The following PERP variants were observed in gnomAD, a reference collection of about 807,000 sequenced individuals.
PERP encodes the protein p53 apoptosis effector related to PMP-22.
Under a neutral mutation model 20.3 loss-of-function variants are expected in PERP, and 11 were observed. The ratio of observed to expected loss-of-function variants is 0.54; its 90% confidence interval spans 0.34 to 0.90. The LOEUF (loss-of-function observed/expected upper bound fraction) is 0.90. PERP is among the 40% of genes least tolerant of loss of function. The pLI is 0.02. For synonymous variants in PERP, 101 were observed against 102.0 expected (o/e 0.99, Z 0.06); for missense variants, 224 against 249.4 (o/e 0.90, Z 0.69).
At chr6:138,093,576 C>T (rs1022272799) in intron 2 of PERP, among the ~76,000 whole-genome samples, 36 of 152,196 alleles carry the variant, frequency 2.4e-4, no homozygotes, top group Non-Finnish European at 3.2e-4. Context: ...CATTTGCTAC[C>T]ACATACTGTG....
Position 138,091,386 on chromosome 6 carries a change from A to G in PERP, c.*656T>C, listed in dbSNP as rs1163041146. 6.6e-6 allele frequency: 1 copy of G among 151,700 alleles called. No homozygotes were observed. Among genetic ancestry groups the G allele is most frequent in the African/African-American group, 2.4e-5 (1 of 40,936 alleles). 9.4% of individuals were successfully genotyped at this position (151,700 alleles called of 1,614,324 possible). On this transcript the variant is annotated 3_prime_UTR_variant, in exon 3 of 3. Coordinates refer to ENST00000421351, the MANE Select transcript of PERP (RefSeq NM_022121.5). ...TTTCATCTAAATATTTCACACTTAAAGGAAAGCCTTACCAACTATGGCAAC... is the reference window on the plus strand; with the variant it reads ...TTTCATCTAAATATTTCACACTTAAGGGAAAGCCTTACCAACTATGGCAAC...
intron 1 of PERP, among the ~76,000 whole-genome samples, chr6:138,098,038 G>A (rs538283510): frequency 4.5e-4 from 68 of 152,234 alleles, no homozygotes; most frequent in African/African-American, 1.6e-3. Context: ...CACTGAGTAT[G>A]GTATGATGCG....
intron 1 of PERP, among the ~76,000 whole-genome samples, chr6:138,104,683 G>A (rs1486006661): frequency 1.3e-5 from 2 of 152,172 alleles, no homozygotes; most frequent in African/African-American, 4.8e-5. Context: ...TACATATCAA[G>A]AAGTTTTTCA....
chr6:138,106,856 GTA>G (rs1392859170), intron 1 of PERP, among the ~76,000 whole-genome samples: 1 of 148,324 alleles, frequency 6.7e-6, no homozygotes, highest in African/African-American at 2.5e-5. Context: ...TCTTTCGTAC[GTA>G]ACCGACAAAA....
chr6:138,103,042 T>C (rs1178022317), intron 1 of PERP, among the ~76,000 whole-genome samples: 1 of 149,004 alleles, frequency 6.7e-6, no homozygotes, highest in East Asian at 2.1e-4. Context: ...GAGCTTGCAG[T>C]GAGCAGAGAT....
In PERP at chr6:138,096,364, A is replaced by G. The variant is rs536335322; in HGVS notation, c.345T>C (p.Leu115=). ...LVFLRVIGGL[L]ALAAVFQIIS... ...GACACACAGTCTTACCAGCCAAGGC[A>G]AGGAGACCTCCAATCACTCTCAGGA... Residue 115 remains leucine, a synonymous_variant, in exon 2 of 3, where the codon CTT becomes CTC. Transcript: ENST00000421351. 3.0e-5 allele frequency: 48 copies of G among 1,614,004 alleles called. No individual in the cohort carries two copies. In the South Asian group the frequency reaches 4.9e-4, roughly 17 times the overall value.
chr6:138,096,348 T>C lies in PERP; in HGVS notation c.355+6A>G. 6.2e-7 allele frequency: 1 copy of C among 1,613,706 alleles called. No homozygotes were observed. The highest frequency in any genetic ancestry group is 8.5e-7 in the Non-Finnish European group (1 of 1,179,818). On this transcript the variant is annotated splice_donor_region_variant and intron_variant, in intron 2 of 2. Transcript: ENST00000421351. Reference sequence around the variant, plus strand: ...TAAATGAAGAATTGCTGACACACAGTCTTACCAGCCAAGGCAAGGAGACCT... The same window carrying C: ...TAAATGAAGAATTGCTGACACACAGCCTTACCAGCCAAGGCAAGGAGACCT...
At chr6:138,094,911 G>A (rs1218937324) in intron 2 of PERP, among the ~76,000 whole-genome samples, 1 of 152,050 alleles carries the variant, frequency 6.6e-6, no homozygotes, top group Non-Finnish European at 1.5e-5. Flanking sequence ...AGTAGAGATG[G>A]GGTTTCACCA....
chr6:138,092,722 C>G (rs1490376940), intron 2 of PERP, among the ~76,000 whole-genome samples: 1 of 152,092 alleles, frequency 6.6e-6, no homozygotes, highest in Non-Finnish European at 1.5e-5. Flanking sequence ...GGCATGCACA[C>G]ATGACTCAAT....
At chr6:138,105,693 G>A (rs1274968997) in intron 1 of PERP, among the ~76,000 whole-genome samples, 1 of 152,250 alleles carries the variant, frequency 6.6e-6, no homozygotes, top group African/African-American at 2.4e-5. Flanking sequence ...AGTCTTTGGA[G>A]TAGGGTATAA....
intron 1 of PERP, among the ~76,000 whole-genome samples, chr6:138,103,447 C>T (rs1437093668): frequency 6.6e-6 from 1 of 152,052 alleles, no homozygotes; most frequent in Non-Finnish European, 1.5e-5. Context: ...CCACCACACC[C>T]GGCCAGGAAC....
At position 138,107,003 on chromosome 6, in the gene PERP, C is replaced by T. The variant is rs541032480; in HGVS notation, c.214+124G>A. ...TGCATGAGCCCGAGCTCGTCCTAAA[C>T]AGGCATTCTGAAAAGCACTGGCTCC... is the stretch of plus-strand genomic sequence containing the variant. On this transcript the variant is annotated intron_variant, in intron 1 of 2. Transcript: ENST00000421351. The surrounding 1 kb of genome is among the most constrained non-coding windows in gnomAD (Gnocchi z 4.8). 14 of 931,652 alleles carry T rather than the reference C, an allele frequency of 1.5e-5. No individual in the cohort carries two copies. In the South Asian group the frequency reaches 2.4e-4, roughly 16 times the overall value. The allele number at this position is 931,652 out of a possible 1,614,324, so 57.7% of individuals were successfully genotyped here. A position where few individuals can be genotyped will look rare whatever the true frequency, so the allele number is the denominator to read the frequency against.
intron 1 of PERP, among the ~76,000 whole-genome samples, chr6:138,103,703 C>T (rs890435090): frequency 2.6e-5 from 4 of 152,162 alleles, no homozygotes; most frequent in Non-Finnish European, 5.9e-5. Flanking sequence ...AATGTAGAAT[C>T]AGTGGGAGTA....
chr6:138,098,386 T>A (rs1230308131), intron 1 of PERP, among the ~76,000 whole-genome samples: 1 of 152,170 alleles, frequency 6.6e-6, no homozygotes, highest in Non-Finnish European at 1.5e-5. Flanking sequence ...TCTGCCCCTG[T>A]TGGCCATACT....
chr6:138,106,745 T>C (rs745777263), intron 1 of PERP, among the ~76,000 whole-genome samples: 1 of 152,010 alleles, frequency 6.6e-6, no homozygotes, highest in South Asian at 2.1e-4. Flanking sequence ...ATTTTAATCA[T>C]AAGAAGAAAC....
At chr6:138,103,465 T>C (rs908195831) in intron 1 of PERP, among the ~76,000 whole-genome samples, 6 of 152,112 alleles carry the variant, frequency 3.9e-5, no homozygotes, top group African/African-American at 1.4e-4. Context: ...AACAGTTTAA[T>C]ACCTTTCCCT....
At chr6:138,105,000 G>A (rs72984647) in intron 1 of PERP, among the ~76,000 whole-genome samples, 17,809 of 152,220 alleles carry the variant, frequency 0.12, 1,254 homozygotes, top group South Asian at 0.3. Context: ...TGAGACAGAC[G>A]TATAATAAGC....
intron 1 of PERP, among the ~76,000 whole-genome samples, chr6:138,101,507 A>G (rs1054857365): frequency 1.3e-5 from 2 of 152,224 alleles, no homozygotes; most frequent in African/African-American, 4.8e-5. Context: ...GTTTCCCCCC[A>G]AAGGTAGTCC....
rs933515843 is a variant in PERP at position 138,088,712 on chromosome 6, T to A, written c.*3330A>T. On this transcript the variant is annotated 3_prime_UTR_variant, in exon 3 of 3. Coordinates refer to ENST00000421351, the MANE Select transcript of PERP (RefSeq NM_022121.5). ...ACACCCAGATACCAGAATTGCAAAA[T>A]TCAGGAAGAATGCACTGCACACTGT... The A allele has an allele frequency of 2.6e-5, 4 of 151,986 alleles. No individual in the cohort carries two copies. The highest frequency in any genetic ancestry group is 9.7e-5 in the African/African-American group (4 of 41,372). 9.4% of individuals were successfully genotyped at this position (151,986 alleles called of 1,614,324 possible).
Sources: allele counts gnomAD v4.1 joint callset (sites outside exome capture counted in the v4.1 genomes callset), GRCh38; gene constraint gnomAD v4.1.1; non-coding constraint Gnocchi (gnomAD v3.1); transcripts MANE v1.5; gene names NCBI Gene and HGNC (gene_info 2026-07-23, HGNC 2026-07-21).